SBF2: variants seen among roughly 807,000 people sequenced by gnomAD.
SBF2 encodes SET binding factor 2.
In SBF2, 112 loss-of-function variants were observed where a neutral mutation model predicts 225.2. That is an observed-to-expected ratio of 0.50 (90% confidence interval 0.43 to 0.58). The LOEUF (loss-of-function observed/expected upper bound fraction) is 0.58. Ranked by LOEUF, SBF2 falls within the 20% of genes least tolerant of loss-of-function variation. The pLI is 0.00. For missense variants in SBF2, 1,996 were observed against 2,206.2 expected (o/e 0.90, Z 1.91); for synonymous variants, 763 against 773.3 (o/e 0.99, Z 0.22).
chr11:10,224,623 T>G (rs1257635909), intron 1 of SBF2, among the ~76,000 whole-genome samples: 1 of 152,158 alleles, frequency 6.6e-6, no homozygotes, highest in East Asian at 1.9e-4. Flanking sequence ...TAAAGTTTTT[T>G]TAATAGGCTG....
intron 2 of SBF2, among the ~76,000 whole-genome samples, chr11:10,151,202 A>C (rs540028421): frequency 6.6e-6 from 1 of 152,214 alleles, no homozygotes; most frequent in Admixed American, 6.5e-5. Context: ...TACCTCTAAA[A>C]ATATCCAGTA....
At chr11:9,999,212 G>A (rs1162842861) in intron 8 of SBF2, among the ~76,000 whole-genome samples, 1 of 152,028 alleles carries the variant, frequency 6.6e-6, no homozygotes, top group Non-Finnish European at 1.5e-5. Flanking sequence ...GCAACACTTG[G>A]TTTGTCCTAC....
intron 3 of SBF2, among the ~76,000 whole-genome samples, chr11:10,042,410 T>A (rs948815167): frequency 6.6e-6 from 1 of 152,208 alleles, no homozygotes; most frequent in East Asian, 1.9e-4. Context: ...ATCATGTTGA[T>A]AATACCACCC....
chr11:10,132,504 C>T (rs1591030408), intron 2 of SBF2, among the ~76,000 whole-genome samples: 2 of 147,630 alleles, frequency 1.4e-5, no homozygotes, highest in East Asian at 2.2e-4. Context: ...AGTGAAGCTG[C>T]AGACCTTCGC....
intron 37 of SBF2, chr11:9,784,862 C>T (rs1852267783): frequency 3.7e-6 from 2 of 540,692 alleles, no homozygotes; most frequent in Non-Finnish European, 3.3e-6. Flanking sequence ...CACATGTTCC[C>T]TCAAACGTTC....
chr11:10,255,227 T>G (rs1391140632), intron 1 of SBF2, among the ~76,000 whole-genome samples: 11 of 152,198 alleles, frequency 7.2e-5, no homozygotes, highest in African/African-American at 2.4e-4. Flanking sequence ...ACTAAAAGAG[T>G]AGATTTTAAG....
chr11:9,984,148 G>C (rs1278698281), intron 13 of SBF2, among the ~76,000 whole-genome samples: 6 of 152,208 alleles, frequency 3.9e-5, no homozygotes, highest in Non-Finnish European at 8.8e-5. Context: ...AGCAGAGAAA[G>C]GCGAAGCCCA....
intron 2 of SBF2, among the ~76,000 whole-genome samples, chr11:10,119,200 T>C (rs1285495657): frequency 6.6e-6 from 1 of 152,130 alleles, no homozygotes; most frequent in Non-Finnish European, 1.5e-5. Flanking sequence ...AAGTCTCCAG[T>C]TTGTACCATG....
intron 2 of SBF2, among the ~76,000 whole-genome samples, chr11:10,168,054 C>G (rs964195499): frequency 6.6e-6 from 1 of 152,070 alleles, no homozygotes; most frequent in African/African-American, 2.4e-5. Context: ...AGACCACATT[C>G]CACCCATCAC....
intron 18 of SBF2, 126 bp downstream of exon 18, chr11:9,858,100 T>TC: frequency 1.0e-6 from 1 of 956,260 alleles, no homozygotes; most frequent in East Asian, 2.4e-5. Context: ...ATCACAGGGC[T>TC]CCCTAAATAA....
intron 16 of SBF2, among the ~76,000 whole-genome samples, chr11:9,917,784 C>T (rs1002227773): frequency 2.0e-5 from 3 of 151,346 alleles, no homozygotes; most frequent in Non-Finnish European, 4.4e-5. Flanking sequence ...TATCGCCAGC[C>T]TAGACCACCC....
intron 26 of SBF2, among the ~76,000 whole-genome samples, chr11:9,836,054 T>C (rs975484887): frequency 2.0e-5 from 3 of 152,164 alleles, no homozygotes; most frequent in African/African-American, 7.2e-5. Flanking sequence ...TTAGACAACT[T>C]TCCAAAGTTA....
At chr11:9,804,081 G>A (rs773178998) in intron 32 of SBF2, among the ~76,000 whole-genome samples, 1 of 152,100 alleles carries the variant, frequency 6.6e-6, no homozygotes, top group Non-Finnish European at 1.5e-5. Context: ...CCCACCCCAT[G>A]TAGTCATATG....
intron 2 of SBF2, among the ~76,000 whole-genome samples, chr11:10,091,967 T>C (rs976609748): frequency 2.0e-5 from 3 of 152,210 alleles, no homozygotes; most frequent in Non-Finnish European, 1.5e-5. Context: ...AGTCAAGTAA[T>C]AGTTTAGCTG....
chr11:9,800,825 C>T (rs1853450604), intron 32 of SBF2, among the ~76,000 whole-genome samples: 1 of 152,296 alleles, frequency 6.6e-6, no homozygotes, highest in South Asian at 2.1e-4. Flanking sequence ...GGATTATAGG[C>T]TTCAGCCACC....
intron 32 of SBF2, among the ~76,000 whole-genome samples, chr11:9,797,700 T>G (rs1853211442): frequency 6.6e-6 from 1 of 152,254 alleles, no homozygotes; most frequent in Admixed American, 6.5e-5. Context: ...CTGGGCGTGG[T>G]GGCTCACGCC....
At chr11:10,203,745 T>A (rs768741343) in intron 1 of SBF2, among the ~76,000 whole-genome samples, 1 of 152,042 alleles carries the variant, frequency 6.6e-6, no homozygotes, top group East Asian at 1.9e-4. Flanking sequence ...GTAAAAAATA[T>A]ATTGGATATA....
At chr11:9,784,585 C>A in intron 37 of SBF2, 147 bp from the exon 38 acceptor site, 1 of 688,522 alleles carries the variant, frequency 1.5e-6, no homozygotes, top group South Asian at 1.7e-5. Flanking sequence ...TGGATTTTTT[C>A]TGCTAGACCT....
intron 2 of SBF2, among the ~76,000 whole-genome samples, chr11:10,157,211 C>T (rs756802684): frequency 6.6e-6 from 1 of 152,160 alleles, no homozygotes; most frequent in African/African-American, 2.4e-5. Context: ...AACTGGCTAG[C>T]CTTACGCAGA....
Sources: allele counts gnomAD v4.1 joint callset (sites outside exome capture counted in the v4.1 genomes callset), GRCh38; gene constraint gnomAD v4.1.1; transcripts MANE v1.5; gene names NCBI Gene and HGNC (gene_info 2026-07-23, HGNC 2026-07-21).